VKORC1L1: variants seen among roughly 807,000 people sequenced by gnomAD.
VKORC1L1 encodes vitamin K epoxide reductase complex subunit 1-like protein 1.
A neutral mutation model predicts 18.9 loss-of-function variants in VKORC1L1; 2 were observed. The ratio of observed to expected loss-of-function variants is 0.11; its 90% CI spans 0.04 to 0.33. The LOEUF is 0.33. Among genes scored for constraint, VKORC1L1 ranks in the 10% least tolerant of loss-of-function variants. The probability of loss-of-function intolerance (pLI) is 1.00; values close to 1 mark genes in which losing one functional copy is unlikely to be tolerated. For missense variants in VKORC1L1, 123 were observed against 224.1 expected (o/e 0.55, Z 2.88); for synonymous variants, 96 against 100.0 (o/e 0.96, Z 0.24).
chr7:65,904,457 A>C (rs969969673), intron 1 of VKORC1L1, among the ~76,000 whole-genome samples: 1 of 152,114 alleles, frequency 6.6e-6, no homozygotes, highest in African/African-American at 2.4e-5. Context: ...TGCCTGCCTC[A>C]GCCTCCCAAA....
chr7:65,887,517 A>G (rs1789036100), intron 1 of VKORC1L1, among the ~76,000 whole-genome samples: 1 of 151,612 alleles, frequency 6.6e-6, no homozygotes, highest in South Asian at 2.1e-4. Context: ...CCTCAGTGAT[A>G]CTAGATAATA....
At chr7:65,866,622 A>G in the VKORC1L1 span, among the ~76,000 whole-genome samples, 1 of 152,160 alleles carries the variant, frequency 6.6e-6, no homozygotes, top group Non-Finnish European at 1.5e-5. Flanking sequence ...AGAAGATGAA[A>G]AATTAGTCTG....
intron 1 of VKORC1L1, among the ~76,000 whole-genome samples, chr7:65,926,104 A>G (rs1025161927): frequency 1.3e-5 from 2 of 149,414 alleles, no homozygotes; most frequent in Admixed American, 6.8e-5. Context: ...ACAAAGCCAC[A>G]CTCAATAAGA....
intron 1 of VKORC1L1, among the ~76,000 whole-genome samples, chr7:65,916,155 A>G (rs1451291872): frequency 2.7e-5 from 4 of 149,334 alleles, no homozygotes; most frequent in Non-Finnish European, 4.4e-5. Flanking sequence ...CTTTTTGTCT[A>G]CTGCTTGATT....
chr7:65,906,372 A>G (rs1789406602), intron 1 of VKORC1L1, among the ~76,000 whole-genome samples: 2 of 152,124 alleles, frequency 1.3e-5, no homozygotes, highest in Non-Finnish European at 2.9e-5. Flanking sequence ...CATTGTCTCA[A>G]AAAGAAAAAA....
chr7:65,941,917 T>G (rs1161767513), intron 1 of VKORC1L1, among the ~76,000 whole-genome samples: 1 of 152,072 alleles, frequency 6.6e-6, no homozygotes, highest in Non-Finnish European at 1.5e-5. Flanking sequence ...TGCTTTGGCC[T>G]CCCAAAGTGT....
Position 65,957,842 on chromosome 7 carries a change from T to A in VKORC1L1, c.*3542T>A, listed in dbSNP as rs1344622445. ...TGAAACTCTGTCTCAAATAAAAAAA[T>A]AAAAATAAAAACTATTTGTTGACTT... On this transcript the variant is annotated 3_prime_UTR_variant, in exon 3 of 3. Transcript: ENST00000360768. 6.7e-6 allele frequency: 1 copy of A among 150,338 alleles called. No individual in the cohort carries two copies. The highest frequency in any genetic ancestry group is 3.2e-3 in the Middle Eastern group (1 of 316). The allele number at this position is 150,338 out of a possible 1,614,324, so 9.3% of individuals were successfully genotyped here.
chr7:65,924,242 C>G lies in VKORC1L1; in HGVS notation c.195-24429C>G, dbSNP rs1299562117. Reference sequence around the variant, plus strand: ...TTTCAAGGTTTTGAGATTGTAAAACCCAAAGCTAGACCCTGGACCAGGTTC... The same window carrying G: ...TTTCAAGGTTTTGAGATTGTAAAACGCAAAGCTAGACCCTGGACCAGGTTC... On this transcript the variant is annotated intron_variant, in intron 1 of 2. Coordinates refer to ENST00000360768, the MANE Select transcript of VKORC1L1 (RefSeq NM_173517.6). 2.0e-5 allele frequency among the ~76,000 whole-genome samples: 3 copies of G among 152,164 alleles called. No homozygotes were observed. The East Asian group carries it at 5.8e-4, about 29-fold the overall frequency.
intron 1 of VKORC1L1, among the ~76,000 whole-genome samples, chr7:65,932,150 T>G (rs1789868689): frequency 6.6e-6 from 1 of 152,060 alleles, no homozygotes; most frequent in Non-Finnish European, 1.5e-5. Flanking sequence ...CAGGCTGGAG[T>G]GCAGTGGCAC....
rs61459807 is a variant in VKORC1L1 at position 65,919,377 on chromosome 7, C to T, written c.195-29294C>T. 2.9e-3 allele frequency among the ~76,000 whole-genome samples: 441 copies of T among 152,328 alleles called. 1 individual carries two copies. Among genetic ancestry groups the T allele is most frequent in the African/African-American group, 0.01 (431 of 41,580 alleles). ...TGCAAATTCATATATCCATTTGCCT[C>T]TCTGACATTTCCACTTAAAAGGTAG... On this transcript the variant is annotated intron_variant, in intron 1 of 2. Transcript: ENST00000360768.
chr7:65,954,441 G>C lies in VKORC1L1; in HGVS notation c.*141G>C. On this transcript the variant is annotated 3_prime_UTR_variant, in exon 3 of 3. Transcript: ENST00000360768. ...ATCTCAAACTGATTTTTAAAAATCCGGTAAATTAGAAGGGGCCCTCGCTAT... is the reference window on the plus strand; with the variant it reads ...ATCTCAAACTGATTTTTAAAAATCCCGTAAATTAGAAGGGGCCCTCGCTAT... The C allele has an allele frequency of 7.4e-7, 1 of 1,350,610 alleles. No individual in the cohort carries two copies. Among genetic ancestry groups the C allele is most frequent in the South Asian group, 1.8e-5 (1 of 56,730 alleles). The allele number at this position is 1,350,610 out of a possible 1,614,324, so 83.7% of individuals were successfully genotyped here. A position where few individuals can be genotyped will look rare whatever the true frequency, so the allele number is the denominator to read the frequency against.
In VKORC1L1 at chr7:65,879,439, T is replaced by C. The variant is rs3110904; in HGVS notation, c.194+5874T>C. Among the ~76,000 whole-genome samples, 789 of 152,314 alleles carry C rather than the reference T, an allele frequency of 5.2e-3. 13 individuals carry two copies. In the South Asian group the frequency reaches 0.052, roughly 10 times the overall value. On this transcript the variant is annotated intron_variant, in intron 1 of 2. Transcript: ENST00000360768. ...AATGTTAATACTTACAGATAATGCTTACTATGTGCTAGGCAGTGTTCTAAA... is the reference window on the plus strand; with the variant it reads ...AATGTTAATACTTACAGATAATGCTCACTATGTGCTAGGCAGTGTTCTAAA...
chr7:65,912,672 G>A (rs1272768509), intron 1 of VKORC1L1, among the ~76,000 whole-genome samples: 1 of 152,152 alleles, frequency 6.6e-6, no homozygotes, highest in Non-Finnish European at 1.5e-5. Context: ...TAGTGTGTAA[G>A]AATCTAGTAC....
At position 65,873,074 on chromosome 7, in the gene VKORC1L1, A is replaced by C. The variant is rs1159209796; in HGVS notation, c.-298A>C. 1.1e-4 allele frequency among the ~76,000 whole-genome samples: 15 copies of C among 137,148 alleles called. No individual in the cohort carries two copies. In the East Asian group the frequency reaches 2.1e-3, roughly 19 times the overall value. The allele number at this position is 137,148 out of a possible 152,430, so 90.0% of individuals were successfully genotyped here. A position where few individuals can be genotyped will look rare whatever the true frequency, so the allele number is the denominator to read the frequency against. On this transcript the variant is annotated 5_prime_UTR_variant, in exon 1 of 3. Transcript: ENST00000360768. ...GCGCGGCGCAGCGCCACGCCGCCTC[A>C]GTCTCCGCCCGCCGATCCGGCCTCT... is the stretch of plus-strand genomic sequence containing the variant.
chr7:65,907,370 G>A (rs530652011), intron 1 of VKORC1L1, among the ~76,000 whole-genome samples: 7 of 152,170 alleles, frequency 4.6e-5, no homozygotes, highest in East Asian at 1.9e-4. Context: ...CCCGGGAGTC[G>A]GAGGTTGCAG....
At chr7:65,932,586 A>G (rs1428673055) in intron 1 of VKORC1L1, among the ~76,000 whole-genome samples, 1 of 152,210 alleles carries the variant, frequency 6.6e-6, no homozygotes, top group Non-Finnish European at 1.5e-5. Flanking sequence ...TCTTTGATCC[A>G]TGAATCTATT....
At chr7:65,940,051 G>T (rs1401059194) in intron 1 of VKORC1L1, among the ~76,000 whole-genome samples, 3 of 151,704 alleles carry the variant, frequency 2.0e-5, no homozygotes, top group Non-Finnish European at 2.9e-5. Context: ...TTGTGACAGG[G>T]TCTCACTCTG....
intron 1 of VKORC1L1, among the ~76,000 whole-genome samples, chr7:65,923,399 T>C (rs1345153841): frequency 1.3e-5 from 2 of 149,836 alleles, no homozygotes; most frequent in Non-Finnish European, 3.0e-5. Context: ...AGACCCTGTC[T>C]CAAAAAGAAA....
intron 1 of VKORC1L1, among the ~76,000 whole-genome samples, chr7:65,899,871 A>G (rs1007667989): frequency 4.0e-5 from 6 of 151,762 alleles, no homozygotes; most frequent in Admixed American, 2.0e-4. Context: ...GTGGTGGTAC[A>G]TGCCTGTAAT....
Sources: allele counts gnomAD v4.1 joint callset (sites outside exome capture counted in the v4.1 genomes callset), GRCh38; gene constraint gnomAD v4.1.1; transcripts MANE v1.5; gene names NCBI Gene and HGNC (gene_info 2026-07-23, HGNC 2026-07-21).